The following DEAF1 variants were observed in gnomAD, a reference collection of about 807,000 sequenced individuals.
The protein encoded by DEAF1 is DEAF1 transcription factor.
A neutral mutation model predicts 58.9 loss-of-function variants in DEAF1; 53 were observed. The ratio of observed to expected loss-of-function variants is 0.90; its 90% CI spans 0.72 to 1.13. The LOEUF (loss-of-function observed/expected upper bound fraction) is 1.13, where lower values mean the gene tolerates loss of function less well. DEAF1 is among the 50% of genes most tolerant of loss of function. The probability of loss-of-function intolerance (pLI) is 0.00; values close to 1 mark genes in which losing one functional copy is unlikely to be tolerated. For missense variants in DEAF1, 685 were observed against 791.4 expected (o/e 0.87, Z 1.61); for synonymous variants, 385 against 340.4 (o/e 1.13, Z -1.44).
At chr11:653,837 A>G (rs1163353323) in intron 11 of DEAF1, 125 bp downstream of exon 11, 19 of 842,660 alleles carry the variant, frequency 2.3e-5, no homozygotes, top group Middle Eastern at 2.5e-4. Flanking sequence ...CCGGATTCCC[A>G]GAGGGAGGGA....
At chr11:678,895 T>TACA in intron 8 of DEAF1, 73 bp from the exon 9 acceptor site, 1 of 1,593,974 alleles carries the variant, frequency 6.3e-7, no homozygotes. Flanking sequence ...TCACGCTGTA[T>TACA]GGCTGCGCCA....
chr11:681,502 C>G (rs12291981), intron 6 of DEAF1, among the ~76,000 whole-genome samples: 59,337 of 150,562 alleles, frequency 0.39, 12,920 homozygotes, highest in East Asian at 0.57. Flanking sequence ...GCTCTGCCTC[C>G]CGGGTTCATG....
At chr11:652,803 C>T (rs1858839597) in intron 11 of DEAF1, among the ~76,000 whole-genome samples, 1 of 152,016 alleles carries the variant, frequency 6.6e-6, no homozygotes, top group Non-Finnish European at 1.5e-5. Context: ...AGTAAAGCTG[C>T]TGGGAACAGT....
chr11:704,769 TC>T lies in DEAF1; in HGVS notation c.-438+1802del. 2.9e-5 allele frequency: 20 copies of T among 692,276 alleles called. No individual in the cohort carries two copies. In the South Asian group the frequency reaches 3.5e-4, roughly 12 times the overall value. 42.9% of individuals were successfully genotyped at this position (692,276 alleles called of 1,614,324 possible). Reference sequence around the variant, plus strand: ...GCCCGAGAGGCCAGCCTGGACTGTCTCCTGAGGGCAGGCTCCGCACTCAAAA... The same window carrying T: ...GCCCGAGAGGCCAGCCTGGACTGTCTCTGAGGGCAGGCTCCGCACTCAAAA... On this transcript the variant is annotated intron_variant, in intron 1 of 11. Transcript: ENST00000683307.
intron 10 of DEAF1, among the ~76,000 whole-genome samples, chr11:665,173 C>G (rs377397026): frequency 3.3e-5 from 2 of 61,440 alleles, no homozygotes; most frequent in African/African-American, 4.5e-5. Context: ...CTATTCACAC[C>G]GAGAGGAGAA....
chr11:680,013 C>G, intron 7 of DEAF1, 197 bp from the exon 8 acceptor site: 1 of 665,578 alleles, frequency 1.5e-6, no homozygotes, highest in Non-Finnish European at 2.6e-6. Flanking sequence ...ACCAGGATGG[C>G]CAGGATGGCA....
At chr11:672,772 C>T (rs571247994) in intron 10 of DEAF1, among the ~76,000 whole-genome samples, 5 of 151,932 alleles carry the variant, frequency 3.3e-5, no homozygotes, top group East Asian at 1.9e-4. Flanking sequence ...CACTTGAACC[C>T]GGGAGGAGGA....
Position 691,561 on chromosome 11 carries a change from A to G in DEAF1, c.327T>C (p.Ala109=). The change falls in exon 2 of 12, where the codon GCT becomes GCC. Residue 109 remains alanine (A), a synonymous_variant. Coordinates refer to ENST00000382409, the MANE Select transcript of DEAF1 (RefSeq NM_021008.4). Reference sequence around the variant, plus strand: ...CAGACGTGGTGAAGACATTGTCTGCAGCAGCCCCCACGTTGGCCACTGTCA... The same window carrying G: ...CAGACGTGGTGAAGACATTGTCTGCGGCAGCCCCCACGTTGGCCACTGTCA... ...TTVTVANVGA[A]ADNVFTTSVA... The G allele has an allele frequency of 6.2e-7, 1 of 1,613,818 alleles. No homozygotes were observed. The highest frequency in any genetic ancestry group is 8.5e-7 in the Non-Finnish European group (1 of 1,179,998).
chr11:672,195 T>C (rs1425739611), intron 10 of DEAF1, among the ~76,000 whole-genome samples: 3 of 152,212 alleles, frequency 2.0e-5, no homozygotes, highest in Non-Finnish European at 4.4e-5. Flanking sequence ...GTTATGTGCT[T>C]GTCTGGTAGA....
At chr11:702,910 G>A (rs750578521) in intron 1 of DEAF1, 5 of 1,553,992 alleles carry the variant, frequency 3.2e-6, no homozygotes, top group East Asian at 4.6e-5. Flanking sequence ...GGAGCGCCTC[G>A]CACCACCTTC....
At chr11:676,527 G>C (rs964649810) in intron 9 of DEAF1, among the ~76,000 whole-genome samples, 1 of 151,582 alleles carries the variant, frequency 6.6e-6, no homozygotes, top group Non-Finnish European at 1.5e-5. Context: ...GGAGGGAAGT[G>C]GCTAAATCAG....
intron 10 of DEAF1, among the ~76,000 whole-genome samples, chr11:655,623 G>A (rs1041491653): frequency 2.0e-5 from 3 of 152,150 alleles, no homozygotes; most frequent in South Asian, 2.1e-4. Flanking sequence ...ACTCCAGCGC[G>A]GCCCCACGGC....
intron 1 of DEAF1, chr11:702,809 C>T: frequency 1.2e-6 from 1 of 836,130 alleles, no homozygotes. Flanking sequence ...AGGCTGTTTC[C>T]CTGGAATTCC....
upstream of DEAF1, chr11:695,240 G>A: frequency 2.0e-6 from 1 of 494,358 alleles, no homozygotes; most frequent in Non-Finnish European, 3.3e-6. Flanking sequence ...GAGCGGAGCC[G>A]AGGCGAACAG....
upstream of DEAF1, chr11:695,939 C>A: frequency 1.0e-6 from 1 of 999,924 alleles, no homozygotes; most frequent in Non-Finnish European, 1.3e-6. Flanking sequence ...TCGGTGCGCT[C>A]ACGGGGCCGT....
chr11:701,603 G>T (rs151159116), intron 1 of DEAF1, among the ~76,000 whole-genome samples: 6 of 151,824 alleles, frequency 4.0e-5, no homozygotes, highest in East Asian at 1.9e-4. Context: ...TAGAGATGGG[G>T]TTTCACCATG....
At chr11:667,556 C>T (rs768005144) in intron 10 of DEAF1, among the ~76,000 whole-genome samples, 2 of 152,150 alleles carry the variant, frequency 1.3e-5, no homozygotes, top group Non-Finnish European at 2.9e-5. Context: ...AATCCCAGCA[C>T]TTTGGGAGGC....
chr11:698,923 A>G (rs746908902), upstream of DEAF1: 1 of 1,613,818 alleles, frequency 6.2e-7, no homozygotes, highest in Non-Finnish European at 8.5e-7. Flanking sequence ...GACAGCACCC[A>G]GAGGCCCGAA....
chr11:649,564 A>G (rs1858667069), intron 11 of DEAF1, among the ~76,000 whole-genome samples: 2 of 151,914 alleles, frequency 1.3e-5, no homozygotes, highest in African/African-American at 4.8e-5. Flanking sequence ...TACTAAAAGT[A>G]CAAAAATTAG....
Sources: gnomAD v4.1 joint callset for allele counts (sites outside exome capture counted in the v4.1 genomes callset) on GRCh38, gnomAD v4.1.1 for gene constraint, MANE v1.5 for transcripts, NCBI Gene and HGNC (gene_info 2026-07-23, HGNC 2026-07-21) for gene names.